MESD: variants seen among roughly 807,000 people sequenced by gnomAD.
The protein encoded by MESD is LRP chaperone MESD.
Under a neutral mutation model 12.9 loss-of-function variants are expected in MESD, and 7 were observed. The observed-to-expected ratio is 0.54, with a 90% CI of 0.31 to 1.02. MESD has a LOEUF of 1.02. Among genes scored for constraint, MESD ranks in the 50% least tolerant of loss-of-function variants. MESD has a pLI of 0.05. For synonymous variants in MESD, 126 were observed against 115.6 expected, an observed-to-expected ratio of 1.09 and a Z score of -0.58; for missense variants, 342 against 296.7, an observed-to-expected ratio of 1.15 and a Z score of -1.12.
At chr15:80,959,306 A>C (rs900456208) in intron 3 of MESD, among the ~76,000 whole-genome samples, 4 of 152,162 alleles carry the variant, frequency 2.6e-5, no homozygotes, top group Non-Finnish European at 5.9e-5. Flanking sequence ...GCCTGGAAGG[A>C]TGAAGGGCAG....
chr15:80,948,740 T>G, exon 5 of MESD: 1 of 1,611,834 alleles, frequency 6.2e-7, no homozygotes. Flanking sequence ...TGGAACGGGG[T>G]GGGGCAGCCG....
intron 3 of MESD, among the ~76,000 whole-genome samples, chr15:80,961,011 A>T (rs1902075421): frequency 6.6e-6 from 1 of 152,156 alleles, no homozygotes; most frequent in South Asian, 2.1e-4. Flanking sequence ...CCCTCTAAGG[A>T]AGATGAGAGC....
At chr15:80,975,228 A>C (rs8036808), downstream of MESD, among the ~76,000 whole-genome samples, 40,247 of 149,020 alleles carry the variant, frequency 0.27, 6,897 homozygotes, top group African/African-American at 0.49. Context: ...AAACAAAAAA[A>C]AAAAAACCTA....
intron 1 of MESD, among the ~76,000 whole-genome samples, chr15:80,988,779 A>G (rs1324535663): frequency 6.6e-6 from 1 of 152,230 alleles, no homozygotes; most frequent in Non-Finnish European, 1.5e-5. Flanking sequence ...CCTAGAAACT[A>G]GACATAACCT....
At chr15:80,953,486 T>C (rs1424931346) in intron 3 of MESD, among the ~76,000 whole-genome samples, 1 of 152,150 alleles carries the variant, frequency 6.6e-6, no homozygotes, top group Non-Finnish European at 1.5e-5. Flanking sequence ...ATCCCACAAG[T>C]AGTCACTGCA....
chr15:80,948,077 T>C (rs1347583153), exon 5 of MESD: 3 of 153,406 alleles, frequency 2.0e-5, no homozygotes, highest in African/African-American at 7.2e-5. Flanking sequence ...TGAAATCATT[T>C]TGGAGCCTCT....
chr15:80,987,421 T>C (rs1191263942), intron 1 of MESD, among the ~76,000 whole-genome samples: 3 of 152,142 alleles, frequency 2.0e-5, no homozygotes, highest in South Asian at 2.1e-4. Context: ...TAGGGCGTTA[T>C]CTGGCTTTAC....
exon 5 of MESD, chr15:80,948,229 A>C: frequency 5.6e-6 from 1 of 177,046 alleles, no homozygotes; most frequent in East Asian, 1.4e-4. Flanking sequence ...TGCCCCTCGG[A>C]TGCTCAAGCT....
chr15:80,988,782 C>A (rs1902805550), intron 1 of MESD, among the ~76,000 whole-genome samples: 1 of 152,194 alleles, frequency 6.6e-6, no homozygotes. Context: ...AGAAACTAGA[C>A]ATAACCTGCC....
downstream of MESD, among the ~76,000 whole-genome samples, chr15:80,974,749 A>AG (rs1411464730): frequency 6.7e-6 from 1 of 148,862 alleles, no homozygotes; most frequent in Non-Finnish European, 1.5e-5. Context: ...AAAAAGATTC[A>AG]GAAAAAAAAA....
intron 3 of MESD, among the ~76,000 whole-genome samples, chr15:80,966,939 C>T (rs1475711131): frequency 3.3e-5 from 5 of 152,154 alleles, no homozygotes; most frequent in Admixed American, 6.6e-5. Flanking sequence ...GAAATGCTGG[C>T]CCATTCCAAC....
chr15:80,968,816 C>A (rs1902226921), intron 3 of MESD, among the ~76,000 whole-genome samples: 1 of 152,192 alleles, frequency 6.6e-6, no homozygotes, highest in South Asian at 2.1e-4. Context: ...AAATGCAGAG[C>A]TGGGAAGTCC....
intron 3 of MESD, among the ~76,000 whole-genome samples, chr15:80,959,966 C>T (rs1334156420): frequency 8.5e-5 from 13 of 152,310 alleles, no homozygotes; most frequent in South Asian, 4.2e-4. Context: ...GCAATGGTTT[C>T]GCAACCAGCT....
intron 3 of MESD, among the ~76,000 whole-genome samples, chr15:80,957,509 T>A (rs1301672056): frequency 2.0e-5 from 3 of 152,182 alleles, no homozygotes; most frequent in Non-Finnish European, 4.4e-5. Flanking sequence ...TGGTCAGTTT[T>A]TAGAGACCAC....
intron 3 of MESD, among the ~76,000 whole-genome samples, chr15:80,962,490 A>C (rs1902105630): frequency 1.3e-5 from 2 of 152,190 alleles, no homozygotes; most frequent in Admixed American, 1.3e-4. Context: ...AAGCAGACCT[A>C]ATAGACATCT....
chr15:80,949,034 A>G (rs1205849004), intron 4 of MESD: 25 of 1,459,332 alleles, frequency 1.7e-5, no homozygotes, highest in Non-Finnish European at 2.4e-5. Flanking sequence ...GCTGCCTGGG[A>G]AGGCCGTGTT....
chr15:80,956,499 G>A (rs1010497428), intron 3 of MESD, among the ~76,000 whole-genome samples: 5 of 152,176 alleles, frequency 3.3e-5, no homozygotes, highest in Admixed American at 1.3e-4. Context: ...AGAGTAGCAC[G>A]AGGGTGCTCT....
downstream of MESD, among the ~76,000 whole-genome samples, chr15:80,974,680 G>C (rs1396493698): frequency 6.7e-6 from 1 of 149,762 alleles, no homozygotes; most frequent in East Asian, 1.9e-4. Flanking sequence ...AATGGGGGAG[G>C]GGGGAGCTGA....
At chr15:80,963,749 T>C (rs1442281305) in intron 3 of MESD, among the ~76,000 whole-genome samples, 1 of 152,034 alleles carries the variant, frequency 6.6e-6, no homozygotes, top group African/African-American at 2.4e-5. Context: ...TCTCAATAGA[T>C]GCAAAAAAGG....
Sources: allele counts gnomAD v4.1 joint callset (sites outside exome capture counted in the v4.1 genomes callset), GRCh38; gene constraint gnomAD v4.1.1; transcripts MANE v1.5; gene names NCBI Gene and HGNC (gene_info 2026-07-23, HGNC 2026-07-21).